Variants in POU2F3 observed in about 807,000 individuals in gnomAD.
POU2F3 encodes POU class 2 homeobox 3.
A neutral mutation model predicts 59.2 loss-of-function variants in POU2F3; 23 were observed. The observed-to-expected ratio is 0.39, with a 90% CI of 0.28 to 0.55. The LOEUF is 0.55. Ranked by LOEUF, POU2F3 falls within the 20% of genes least tolerant of loss-of-function variation. POU2F3 has a pLI of 0.66. For missense variants in POU2F3, 473 were observed against 544.5 expected (o/e 0.87, Z 1.31); for synonymous variants, 190 against 214.6 (o/e 0.89, Z 1.00).
At chr11:120,241,069 T>A (rs559214502) in intron 1 of POU2F3, among the ~76,000 whole-genome samples, 1 of 152,298 alleles carries the variant, frequency 6.6e-6, no homozygotes, top group African/African-American at 2.4e-5. Context: ...TCCATTCACC[T>A]TGCTGTTCCT....
At chr11:120,308,064 GA>G (rs987639352) in intron 9 of POU2F3, among the ~76,000 whole-genome samples, 4 of 151,808 alleles carry the variant, frequency 2.6e-5, no homozygotes, top group Admixed American at 6.6e-5. Flanking sequence ...GAAGTAGAAA[GA>G]AAAAAAACGC....
intron 12 of POU2F3, 37 bp downstream of exon 12, chr11:120,317,401 G>A: frequency 6.2e-7 from 1 of 1,612,096 alleles, no homozygotes; most frequent in South Asian, 1.1e-5. Flanking sequence ...CATCCCAGCA[G>A]GGCCAAGGGA....
Position 120,315,415 on chromosome 11 carries a change from A to G in POU2F3, c.1123A>G (p.Met375Val), listed in dbSNP as rs1759963852. 5.6e-6 allele frequency: 9 copies of G among 1,613,190 alleles called. No homozygotes were observed. The highest frequency in any genetic ancestry group is 7.6e-6 in the Non-Finnish European group (9 of 1,179,130). The change falls in exon 11 of 13, where the codon ATG becomes GTG. Residue 375 changes from methionine (M) to valine (V), a missense_variant. Physicochemically the swap from Met to Val is conservative, Grantham distance 21. Coordinates refer to ENST00000543440, the MANE Select transcript of POU2F3 (RefSeq NM_014352.4). ...CTCTGTCCCTCCTGTCCACAGTACC[A>G]TGCCTGGAACAGGTGAGCTTTAAAA... ...PLSVPPVHST[M>V]PGTVTSSCSP...
intron 4 of POU2F3, among the ~76,000 whole-genome samples, chr11:120,298,808 A>G (rs1265689747): frequency 6.6e-6 from 1 of 152,176 alleles, no homozygotes; most frequent in Non-Finnish European, 1.5e-5. Flanking sequence ...GAGGCGTCTG[A>G]GATAGTAACA....
intron 2 of POU2F3, among the ~76,000 whole-genome samples, chr11:120,264,190 TAC>T (rs35186745): frequency 0.25 from 32,971 of 132,662 alleles, 3,784 homozygotes; most frequent in Admixed American, 0.32. Context: ...TAAGACCTCA[TAC>T]ACACACACAC....
chr11:120,247,098 A>T (rs1170867284), intron 2 of POU2F3, among the ~76,000 whole-genome samples: 1 of 152,182 alleles, frequency 6.6e-6, no homozygotes, highest in African/African-American at 2.4e-5. Flanking sequence ...GACCGTCCCA[A>T]AAAAAGCTGA....
chr11:120,256,778 G>T (rs757998259), intron 2 of POU2F3: 2 of 152,222 alleles, frequency 1.3e-5, no homozygotes, highest in Non-Finnish European at 2.9e-5. Context: ...CAGATTCACG[G>T]AGACTAGATG....
chr11:120,316,126 G>A (rs60867950), intron 11 of POU2F3, among the ~76,000 whole-genome samples: 2,266 of 151,844 alleles, frequency 0.015, 68 homozygotes, highest in African/African-American at 0.051. Context: ...TGCCCGCCTC[G>A]GCCTCCCAAA....
rs759339091 is a variant in POU2F3, at chr11:120,246,451, A to G, written c.31A>G (p.Ile11Val). 1.2e-6 allele frequency: 2 copies of G among 1,613,982 alleles called. No individual in the cohort carries two copies. The highest frequency in any genetic ancestry group is 1.7e-6 in the Non-Finnish European group (2 of 1,179,976). The change falls in exon 2 of 13, where the codon ATC (isoleucine) becomes GTC (valine). Residue 11 changes from isoleucine to valine, a missense_variant and splice_region_variant. Ile to Val is a conservative substitution (Grantham distance 29). Transcript: ENST00000543440. ...AATCAGTTGTGTTTTCCCTGCAGAT[A>G]TCAAGATGAGTGGGGATGTAGCCGA... The part of the protein sequence containing the change: MVNLESMHTD[I>V]KMSGDVADST...
chr11:120,312,591 T>A (rs1027154674), intron 10 of POU2F3, among the ~76,000 whole-genome samples: 1 of 152,186 alleles, frequency 6.6e-6, no homozygotes, highest in African/African-American at 2.4e-5. Context: ...TCATTGAACA[T>A]GTTAAGTTGG....
intron 10 of POU2F3, among the ~76,000 whole-genome samples, chr11:120,313,638 T>C (rs539721875): frequency 5.9e-5 from 9 of 152,310 alleles, no homozygotes; most frequent in African/African-American, 1.9e-4. Context: ...GAACCACGTA[T>C]ATGTCTGTTC....
chr11:120,288,088 G>GA (rs1356235345), intron 3 of POU2F3, among the ~76,000 whole-genome samples: 8 of 38,398 alleles, frequency 2.1e-4, no homozygotes, highest in Non-Finnish European at 3.1e-4. Flanking sequence ...GCTCAGAGCT[G>GA]AAAAAAAAGA....
At chr11:120,300,051 T>C (rs1014253922) in intron 5 of POU2F3, among the ~76,000 whole-genome samples, 1 of 152,106 alleles carries the variant, frequency 6.6e-6, no homozygotes, top group African/African-American at 2.4e-5. Flanking sequence ...CCCTGGGAAA[T>C]GCAGTACAGA....
intron 10 of POU2F3, among the ~76,000 whole-genome samples, chr11:120,310,350 T>G (rs959687372): frequency 3.9e-5 from 6 of 152,178 alleles, no homozygotes; most frequent in Admixed American, 3.9e-4. Flanking sequence ...AGCACTGCCA[T>G]TTTTTTGAGA....
At chr11:120,240,530 A>G (rs1938616815) in intron 1 of POU2F3, among the ~76,000 whole-genome samples, 159 bp downstream of exon 1, 1 of 140,052 alleles carries the variant, frequency 7.1e-6, no homozygotes, top group Non-Finnish European at 1.5e-5. Context: ...GCCGGTCAGT[A>G]TTTGGGGACT....
chr11:120,263,569 T>C (rs1350390726), intron 2 of POU2F3, among the ~76,000 whole-genome samples: 5 of 152,270 alleles, frequency 3.3e-5, no homozygotes, highest in Admixed American at 1.3e-4. Flanking sequence ...TCTAAAACCA[T>C]ACTCAATTTT....
chr11:120,304,491 T>A (rs560073646), intron 6 of POU2F3, among the ~76,000 whole-genome samples: 1 of 152,230 alleles, frequency 6.6e-6, no homozygotes, highest in Admixed American at 6.5e-5. Flanking sequence ...GAAAGTAAAA[T>A]GAGGCACAAG....
At chr11:120,252,259 T>C (rs1939139262) in intron 2 of POU2F3, among the ~76,000 whole-genome samples, 1 of 145,526 alleles carries the variant, frequency 6.9e-6, no homozygotes, top group East Asian at 2.0e-4. Flanking sequence ...CAGGCTAGAG[T>C]GTAATGGCAC....
intron 11 of POU2F3, among the ~76,000 whole-genome samples, chr11:120,315,720 G>C (rs1337424785): frequency 6.6e-6 from 1 of 152,130 alleles, no homozygotes; most frequent in Non-Finnish European, 1.5e-5. Context: ...GGGAGGCAAG[G>C]CTTCCCAAAG....
Sources: allele counts gnomAD v4.1 joint callset (sites outside exome capture counted in the v4.1 genomes callset), GRCh38; gene constraint gnomAD v4.1.1; transcripts MANE v1.5; gene names NCBI Gene and HGNC (gene_info 2026-07-23, HGNC 2026-07-21).